The following PDSS2 variants were observed in gnomAD, a reference collection of about 807,000 sequenced individuals.
PDSS2 encodes decaprenyl diphosphate synthase subunit 2, also known as all trans-polyprenyl-diphosphate synthase PDSS2.
Under a neutral mutation model 44.5 loss-of-function variants are expected in PDSS2, and 31 were observed. The ratio of observed to expected loss-of-function variants is 0.70; its 90% CI spans 0.52 to 0.94. The LOEUF (loss-of-function observed/expected upper bound fraction) is 0.94. Among genes scored for constraint, PDSS2 ranks in the 40% least tolerant of loss-of-function variants. PDSS2 has a pLI of 0.00. For missense variants in PDSS2, 452 were observed against 482.2 expected (o/e 0.94, Z 0.59); for synonymous variants, 157 against 180.3 (o/e 0.87, Z 1.03).
At chr6:107,340,986 C>T (rs187972150) in intron 1 of PDSS2, among the ~76,000 whole-genome samples, 22 of 152,168 alleles carry the variant, frequency 1.4e-4, no homozygotes, top group Admixed American at 4.6e-4. Context: ...AATCTGGAGG[C>T]ATAAGTGGTT....
intron 7 of PDSS2, among the ~76,000 whole-genome samples, chr6:107,161,878 T>C (rs959632608): frequency 1.3e-5 from 2 of 152,202 alleles, no homozygotes; most frequent in Non-Finnish European, 2.9e-5. Context: ...TGTGTGTCTG[T>C]GTGTGTGTTT....
intron 6 of PDSS2, among the ~76,000 whole-genome samples, chr6:107,209,980 C>A (rs1221736648): frequency 1.3e-5 from 2 of 152,038 alleles, no homozygotes. Flanking sequence ...TTTTTTCCCC[C>A]CCGCTTTGAT....
chr6:107,413,696 C>T (rs1780573000), intron 1 of PDSS2, among the ~76,000 whole-genome samples: 1 of 152,110 alleles, frequency 6.6e-6, no homozygotes, highest in African/African-American at 2.4e-5. Context: ...AACGCCTGAC[C>T]CCAAGTGATC....
chr6:107,295,438 T>C (rs1320675134), intron 2 of PDSS2, among the ~76,000 whole-genome samples: 1 of 152,238 alleles, frequency 6.6e-6, no homozygotes, highest in African/African-American at 2.4e-5. Flanking sequence ...CTTGTGGGTA[T>C]CTGTGAAAAC....
chr6:107,445,062 C>T (rs1475319511), intron 1 of PDSS2, among the ~76,000 whole-genome samples: 1 of 152,120 alleles, frequency 6.6e-6, no homozygotes, highest in South Asian at 2.1e-4. Flanking sequence ...AAAAGTCTAA[C>T]CAATTCTGTA....
intron 4 of PDSS2, among the ~76,000 whole-genome samples, chr6:107,214,128 G>T (rs553627375): frequency 1.4e-3 from 203 of 149,682 alleles, no homozygotes; most frequent in African/African-American, 4.7e-3. Context: ...TTTTGAGATG[G>T]AGTCTCTCTG....
chr6:107,333,316 T>C (rs781593956), intron 2 of PDSS2, among the ~76,000 whole-genome samples: 38 of 152,212 alleles, frequency 2.5e-4, no homozygotes, highest in Non-Finnish European at 7.3e-5. Context: ...ATTGCTGACA[T>C]ACTGTTACTA....
At chr6:107,232,108 C>T (rs2216084) in intron 4 of PDSS2, among the ~76,000 whole-genome samples, 115,655 of 152,164 alleles carry the variant, frequency 0.76, 45,383 homozygotes, top group East Asian at 1. Flanking sequence ...TACTCAACAT[C>T]TGTTGAGTGA....
intron 6 of PDSS2, among the ~76,000 whole-genome samples, chr6:107,205,792 G>A (rs1772952623): frequency 6.6e-6 from 1 of 152,148 alleles, no homozygotes; most frequent in South Asian, 2.1e-4. Flanking sequence ...AGGAGCTGCT[G>A]GAGAAGAGGT....
chr6:107,369,340 C>T (rs1464961953), intron 1 of PDSS2, among the ~76,000 whole-genome samples: 2 of 152,124 alleles, frequency 1.3e-5, no homozygotes, highest in Non-Finnish European at 2.9e-5. Flanking sequence ...ATTGCTTGAA[C>T]CCAGGAGGTG....
chr6:107,335,903 TGA>T (rs1258015169), intron 1 of PDSS2, among the ~76,000 whole-genome samples: 1 of 151,012 alleles, frequency 6.6e-6, no homozygotes, highest in Non-Finnish European at 1.5e-5. Flanking sequence ...GTTGAGTTTT[TGA>T]ACAAAGAATC....
chr6:107,452,823 C>T (rs1425115334), intron 1 of PDSS2, among the ~76,000 whole-genome samples: 2 of 151,816 alleles, frequency 1.3e-5, no homozygotes, highest in Non-Finnish European at 2.9e-5. Flanking sequence ...CACATCACCA[C>T]GCCCAGCTAA....
chr6:107,259,124 A>T (rs1360844924), intron 3 of PDSS2, among the ~76,000 whole-genome samples: 1 of 152,234 alleles, frequency 6.6e-6, no homozygotes, highest in Admixed American at 6.5e-5. Flanking sequence ...CACTTAAAAC[A>T]GTGCCTACCG....
chr6:107,453,376 A>T (rs1401592730), intron 1 of PDSS2, among the ~76,000 whole-genome samples: 4 of 152,150 alleles, frequency 2.6e-5, no homozygotes, highest in South Asian at 4.1e-4. Context: ...ATTGATTTTT[A>T]AAAAATACTG....
intron 2 of PDSS2, among the ~76,000 whole-genome samples, chr6:107,291,005 C>T (rs887021047): frequency 2.9e-4 from 41 of 141,340 alleles, no homozygotes; most frequent in African/African-American, 1.1e-3. Flanking sequence ...AAGCTCAAAC[C>T]GTTAAAAAAA....
intron 7 of PDSS2, among the ~76,000 whole-genome samples, chr6:107,193,184 C>G (rs1772441082): frequency 6.6e-6 from 1 of 152,158 alleles, no homozygotes; most frequent in South Asian, 2.1e-4. Flanking sequence ...AGTTTTTAAC[C>G]AGGGCTGTGT....
rs185267842 is a variant in PDSS2 at position 107,398,924 on chromosome 6, G to A, written c.296+60066C>T. 2.7e-3 allele frequency among the ~76,000 whole-genome samples: 411 copies of A among 152,212 alleles called. 2 individuals are homozygous for A. The highest frequency in any genetic ancestry group is 9.2e-3 in the African/African-American group (383 of 41,536). On this transcript the variant is annotated intron_variant, in intron 1 of 7. Transcript: ENST00000369037. ...AGTGTATCTCCTCTTTTCTTCCACA[G>A]CTCCCCTATAGCTTTAAAAATAAGA...
intron 2 of PDSS2, among the ~76,000 whole-genome samples, chr6:107,324,396 T>C (rs1777474714): frequency 6.6e-6 from 1 of 152,188 alleles, no homozygotes; most frequent in African/African-American, 2.4e-5. Flanking sequence ...CAATAAGCGC[T>C]CCTCATTTTT....
chr6:107,272,080 G>C (rs931587903), intron 3 of PDSS2, among the ~76,000 whole-genome samples: 2 of 114,550 alleles, frequency 1.7e-5, no homozygotes, highest in Admixed American at 8.5e-5. Flanking sequence ...TAAAAAAAAA[G>C]AAACAAAAAA....
Sources: allele counts gnomAD v4.1 joint callset (sites outside exome capture counted in the v4.1 genomes callset), GRCh38; gene constraint gnomAD v4.1.1; transcripts MANE v1.5; gene names NCBI Gene and HGNC (gene_info 2026-07-23, HGNC 2026-07-21).